TAOK1: variants seen among roughly 807,000 people sequenced by gnomAD.
TAOK1 encodes serine/threonine-protein kinase TAO1.
TAOK1 carries 21 observed loss-of-function variants against 138.3 expected under a neutral mutation model. That is an observed-to-expected ratio of 0.15 (90% CI 0.11 to 0.22). TAOK1 has a LOEUF of 0.22. TAOK1 is among the 10% of genes least tolerant of loss of function. The pLI, the probability that TAOK1 is intolerant of heterozygous loss-of-function variation, is 1.00. For missense variants in TAOK1, 651 were observed against 1,227.7 expected, an observed-to-expected ratio of 0.53 and a Z score of 7.02; for synonymous variants, 361 against 398.4, an observed-to-expected ratio of 0.91 and a Z score of 1.12.
intron 1 of TAOK1, among the ~76,000 whole-genome samples, chr17:29,448,739 C>A (rs576863456): frequency 5.1e-4 from 77 of 152,242 alleles, no homozygotes; most frequent in African/African-American, 1.8e-3. Flanking sequence ...GAAGTGAAAT[C>A]ATTTTTAGGA....
At chr17:29,463,373 C>G (rs938386250) in intron 2 of TAOK1, among the ~76,000 whole-genome samples, 3 of 152,134 alleles carry the variant, frequency 2.0e-5, no homozygotes, top group Middle Eastern at 3.4e-3. Flanking sequence ...AGTTTGAGAC[C>G]AGCCTGGCCA....
rs961807737 is a variant in TAOK1 at position 29,547,150 on chromosome 17, C to A, written c.*4128C>A. On this transcript the variant is annotated 3_prime_UTR_variant, in exon 20 of 20. Transcript: ENST00000261716. ...GATAAGAAAAAGAACCAATAAATCACACAATCTTTATGTGCTTTCTATATG... is the reference window on the plus strand; with the variant it reads ...GATAAGAAAAAGAACCAATAAATCAAACAATCTTTATGTGCTTTCTATATG... The A allele has an allele frequency of 5.3e-5, 8 of 152,094 alleles. No individual in the cohort carries two copies. The highest frequency in any genetic ancestry group is 1.9e-4 in the African/African-American group (8 of 41,428). The allele number at this position is 152,094 out of a possible 1,614,324, so 9.4% of individuals were successfully genotyped here.
intron 2 of TAOK1, among the ~76,000 whole-genome samples, chr17:29,458,495 G>T (rs1044803259): frequency 2.6e-5 from 4 of 151,856 alleles, no homozygotes; most frequent in Non-Finnish European, 4.4e-5. Context: ...GGTTTTTTTT[G>T]TTTTGTTTTG....
intron 1 of TAOK1, among the ~76,000 whole-genome samples, chr17:29,427,005 A>G (rs939316860): frequency 1.4e-4 from 21 of 152,204 alleles, no homozygotes; most frequent in African/African-American, 5.1e-4. Context: ...TCTTAGTTGC[A>G]CCAACTACAT....
chr17:29,419,525 C>T (rs981800907), intron 1 of TAOK1, among the ~76,000 whole-genome samples: 4 of 144,186 alleles, frequency 2.8e-5, no homozygotes, highest in Admixed American at 2.2e-4. Flanking sequence ...TAATCTCTCT[C>T]TCTGTTGTCT....
intron 2 of TAOK1, among the ~76,000 whole-genome samples, chr17:29,454,835 G>C (rs2030334563): frequency 6.6e-6 from 1 of 151,974 alleles, no homozygotes; most frequent in Non-Finnish European, 1.5e-5. Flanking sequence ...TCAAGTAGCT[G>C]GGACTACAGG....
At chr17:29,514,148 T>G (rs199838391) in intron 15 of TAOK1, 2 of 152,146 alleles carry the variant, frequency 1.3e-5, no homozygotes, top group East Asian at 3.9e-4. Flanking sequence ...ACCAGGTATA[T>G]AGTCTACTTG....
At chr17:29,535,082 C>T (rs545893238) in intron 19 of TAOK1, among the ~76,000 whole-genome samples, 1 of 152,074 alleles carries the variant, frequency 6.6e-6, no homozygotes, top group East Asian at 1.9e-4. Flanking sequence ...GAAGCCAAGG[C>T]GGGAAGATCG....
chr17:29,535,121 G>A (rs2032200894), intron 19 of TAOK1, among the ~76,000 whole-genome samples: 1 of 152,100 alleles, frequency 6.6e-6, no homozygotes, highest in African/African-American at 2.4e-5. Flanking sequence ...AGACCAGCCT[G>A]GGCAACACAG....
At chr17:29,410,327 C>G (rs1028592343) in intron 1 of TAOK1, among the ~76,000 whole-genome samples, 5 of 152,084 alleles carry the variant, frequency 3.3e-5, no homozygotes, top group African/African-American at 4.8e-5. Flanking sequence ...CTTGGCTCAC[C>G]ACAACCTCTG....
intron 1 of TAOK1, among the ~76,000 whole-genome samples, chr17:29,449,122 C>T (rs550985238): frequency 6.6e-6 from 1 of 152,258 alleles, no homozygotes; most frequent in South Asian, 2.1e-4. Flanking sequence ...GGCACTAAAA[C>T]TTAATCATTC....
At chr17:29,525,643 C>G (rs2031996917) in intron 17 of TAOK1, among the ~76,000 whole-genome samples, 1 of 152,232 alleles carries the variant, frequency 6.6e-6, no homozygotes, top group Non-Finnish European at 1.5e-5. Context: ...GATCCACCCA[C>G]CTCAGCTTCC....
chr17:29,438,806 G>A (rs1031052588), intron 1 of TAOK1, among the ~76,000 whole-genome samples: 1 of 152,166 alleles, frequency 6.6e-6, no homozygotes, highest in South Asian at 2.1e-4. Context: ...GCGAGTTTTA[G>A]TAATTAATTA....
chr17:29,479,183 A>G (rs1412138098), intron 6 of TAOK1, among the ~76,000 whole-genome samples: 2 of 151,648 alleles, frequency 1.3e-5, no homozygotes, highest in Non-Finnish European at 2.9e-5. Flanking sequence ...AAGACTCCTT[A>G]TGCTTTTGAG....
intron 1 of TAOK1, among the ~76,000 whole-genome samples, chr17:29,404,822 T>A (rs905505365): frequency 6.6e-6 from 1 of 152,144 alleles, no homozygotes; most frequent in Non-Finnish European, 1.5e-5. Flanking sequence ...AACTGTTTAA[T>A]TTTTTGACAA....
rs143535620 is a variant in TAOK1, at chr17:29,490,919, C to A, written c.750-865C>A. Among the ~76,000 whole-genome samples the A allele has an allele frequency of 8.6e-3, 1,307 of 152,198 alleles. 4 individuals are homozygous for A. Among genetic ancestry groups the A allele is most frequent in the Middle Eastern group, 0.017 (5 of 294 alleles). Reference sequence around the variant, plus strand: ...GAGAGAGAACCCTCTCCCACAAGCCCTTTTTATAGCAGAATTAATCCATTC... The same window carrying A: ...GAGAGAGAACCCTCTCCCACAAGCCATTTTTATAGCAGAATTAATCCATTC... On this transcript the variant is annotated intron_variant, in intron 9 of 19. Transcript: ENST00000261716.
chr17:29,481,395 T>G (rs1374791943), intron 7 of TAOK1, among the ~76,000 whole-genome samples: 2 of 151,822 alleles, frequency 1.3e-5, no homozygotes, highest in Non-Finnish European at 2.9e-5. Flanking sequence ...GGTTTCACCA[T>G]GTTGCTCAGG....
intron 1 of TAOK1, among the ~76,000 whole-genome samples, chr17:29,434,030 G>A (rs1408938673): frequency 2.6e-5 from 4 of 152,116 alleles, no homozygotes; most frequent in Admixed American, 6.6e-5. Context: ...CAGACAAACC[G>A]GGTTATTAGA....
rs764160258 is a variant in TAOK1, at chr17:29,456,756, C to T, written c.132+5076C>T. Among the ~76,000 whole-genome samples the T allele has an allele frequency of 4.1e-4, 61 of 150,508 alleles. 1 individual carries two copies. Among genetic ancestry groups the T allele is most frequent in the Admixed American group, 3.0e-3 (45 of 15,226 alleles). On this transcript the variant is annotated intron_variant, in intron 2 of 19. Coordinates refer to ENST00000261716, the MANE Select transcript of TAOK1 (RefSeq NM_020791.4). ...TTTTTGTTTTGTTTTGTTTTTAAAA[C>T]GGAGTCTCGCTCTGTCGCCTAGGCT...
Sources: allele counts gnomAD v4.1 joint callset (sites outside exome capture counted in the v4.1 genomes callset), GRCh38; gene constraint gnomAD v4.1.1; transcripts MANE v1.5; gene names NCBI Gene and HGNC (gene_info 2026-07-23, HGNC 2026-07-21).